Variants in CDC5L observed in about 807,000 individuals in gnomAD.
CDC5L encodes the protein cell division cycle 5-like protein.
CDC5L carries 18 observed loss-of-function variants against 104.1 expected under a neutral mutation model. That is an observed-to-expected ratio of 0.17 (90% CI 0.12 to 0.26). CDC5L has a LOEUF of 0.26. CDC5L is among the 10% of genes least tolerant of loss of function. CDC5L has a pLI of 1.00. For missense variants in CDC5L, 673 were observed against 956.9 expected (o/e 0.70, Z 3.91); for synonymous variants, 331 against 322.7 (o/e 1.03, Z -0.28).
intron 15 of CDC5L, among the ~76,000 whole-genome samples, chr6:44,446,355 T>C (rs1474700089): frequency 6.6e-6 from 1 of 152,192 alleles, no homozygotes; most frequent in Non-Finnish European, 1.5e-5. Context: ...TTGAAGTGCA[T>C]TTGTGGGTAT....
At chr6:44,390,879 GTTATATA>G (rs1211188370) in intron 2 of CDC5L, among the ~76,000 whole-genome samples, 4 of 145,366 alleles carry the variant, frequency 2.8e-5, no homozygotes, top group South Asian at 4.2e-4. Context: ...TAGTTAATAT[GTTATATA>G]TTATATATTA....
Position 44,449,700 on chromosome 6 carries a change from A to G in CDC5L, c.*2989A>G, listed in dbSNP as rs535982745. 23 of 152,318 alleles carry G rather than the reference A, an allele frequency of 1.5e-4. No individual in the cohort carries two copies. The highest frequency in any genetic ancestry group is 5.5e-4 in the African/African-American group (23 of 41,562). 9.4% of individuals were successfully genotyped at this position (152,318 alleles called of 1,614,324 possible). ...AAATATTAGAGACATAATGCTGTCTAATAAAAAACGACATCAAAGAAAAAC... is the reference window on the plus strand; with the variant it reads ...AAATATTAGAGACATAATGCTGTCTGATAAAAAACGACATCAAAGAAAAAC... On this transcript the variant is annotated 3_prime_UTR_variant, in exon 16 of 16. Transcript: ENST00000371477.
chr6:44,394,520 T>C (rs1422887653), intron 4 of CDC5L, among the ~76,000 whole-genome samples: 1 of 152,092 alleles, frequency 6.6e-6, no homozygotes, highest in East Asian at 1.9e-4. Flanking sequence ...CAATAGAAAG[T>C]ATATGGAATC....
chr6:44,422,902 A>G lies in CDC5L; in HGVS notation c.1404+93A>G, dbSNP rs1318625446. 1.3e-5 allele frequency: 9 copies of G among 715,240 alleles called. No individual in the cohort carries two copies. The East Asian group carries it at 1.9e-4, about 15-fold the overall frequency. The allele number at this position is 715,240 out of a possible 1,614,324, so 44.3% of individuals were successfully genotyped here. A position where few individuals can be genotyped will look rare whatever the true frequency, so the allele number is the denominator to read the frequency against. On this transcript the variant is annotated intron_variant, in intron 10 of 15. Transcript: ENST00000371477. ...TTTCTCCTGTTAGTGCATATCACAT[A>G]TACCTTAAGAATCTATACACCTGTG...
chr6:44,425,442 G>A (rs1275472078), intron 11 of CDC5L, among the ~76,000 whole-genome samples: 1 of 152,166 alleles, frequency 6.6e-6, no homozygotes, highest in Non-Finnish European at 1.5e-5. Context: ...TGGTGGGTAA[G>A]TGGTGAATCC....
At chr6:44,423,679 A>G (rs1792290702) in intron 10 of CDC5L, among the ~76,000 whole-genome samples, 1 of 152,206 alleles carries the variant, frequency 6.6e-6, no homozygotes, top group Admixed American at 6.5e-5. Context: ...CACCTGGTAC[A>G]TGTAAGCACT....
intron 14 of CDC5L, among the ~76,000 whole-genome samples, chr6:44,444,225 T>C (rs1195652311): frequency 6.6e-6 from 1 of 152,190 alleles, no homozygotes; most frequent in East Asian, 1.9e-4. Flanking sequence ...CTGTGGCAAA[T>C]GCCTATGCTT....
At chr6:44,396,509 G>T in intron 5 of CDC5L, 69 bp downstream of exon 5, 1 of 956,550 alleles carries the variant, frequency 1.0e-6, no homozygotes, top group Non-Finnish European at 1.6e-6. Context: ...GAATACTTCT[G>T]TGACCAGATA....
chr6:44,427,921 C>T (rs1418468521), intron 13 of CDC5L, among the ~76,000 whole-genome samples: 1 of 152,126 alleles, frequency 6.6e-6, no homozygotes, highest in East Asian at 1.9e-4. Flanking sequence ...AGAGGGTAAA[C>T]CCTAACACAA....
chr6:44,414,905 T>C (rs948012417), intron 8 of CDC5L, among the ~76,000 whole-genome samples: 3 of 152,202 alleles, frequency 2.0e-5, no homozygotes, highest in African/African-American at 7.2e-5. Context: ...GATTTTATAG[T>C]TTTAGTGCTT....
Position 44,392,672 on chromosome 6 carries a change from A to G in CDC5L, c.155A>G (p.Glu52Gly). The change falls in exon 3 of 16, where the codon GAA becomes GGA. Residue 52 changes from glutamate (E) to glycine (G), a missense_variant. By Grantham distance (98) the Glu-to-Gly change is moderately conservative (BLOSUM62 -2). This residue lies in a region of CDC5L where 74 missense variants were observed against 123.5 expected (regional missense o/e 0.60). Coordinates refer to ENST00000371477, the MANE Select transcript of CDC5L (RefSeq NM_001253.4). ...AAATGATCTATGTTTAATAGGTATG[A>G]ATGGCTGGATCCAAGCATTAAGAAG... is the stretch of plus-strand genomic sequence containing the variant. ...SAKQCKARWY[E>G]WLDPSIKKTE... 1 of 1,613,770 alleles carries G rather than the reference A, an allele frequency of 6.2e-7. No individual in the cohort carries two copies. Among genetic ancestry groups the G allele is most frequent in the Non-Finnish European group, 8.5e-7 (1 of 1,179,722 alleles).
intron 13 of CDC5L, among the ~76,000 whole-genome samples, chr6:44,427,662 A>C (rs931932370): frequency 2.0e-5 from 3 of 152,214 alleles, no homozygotes; most frequent in Non-Finnish European, 2.9e-5. Context: ...CTGATTTCAG[A>C]ATAACTGAGT....
rs1482740522 is a variant in CDC5L, at chr6:44,392,521, G to A, written c.150-146G>A. 3 of 646,616 alleles carry A rather than the reference G, an allele frequency of 4.6e-6. No individual in the cohort carries two copies. In the South Asian group the frequency reaches 6.2e-5, roughly 13 times the overall value. The allele number at this position is 646,616 out of a possible 1,614,324, so 40.1% of individuals were successfully genotyped here. On this transcript the variant is annotated intron_variant, in intron 2 of 15. Transcript: ENST00000371477. ...AGATGGGGAATATTGACTGGGGTAA[G>A]TGTAACCACACAGCAAATATTCTGT...
At chr6:44,414,315 C>T (rs1364918675) in intron 8 of CDC5L, among the ~76,000 whole-genome samples, 6 of 151,550 alleles carry the variant, frequency 4.0e-5, no homozygotes, top group Middle Eastern at 3.4e-3. Context: ...TGGGTTCAAG[C>T]GATCCTCCCA....
chr6:44,394,277 A>G (rs1439157887), intron 4 of CDC5L, among the ~76,000 whole-genome samples: 1 of 152,100 alleles, frequency 6.6e-6, no homozygotes, highest in Non-Finnish European at 1.5e-5. Flanking sequence ...AAAACTGAGT[A>G]GTGTAATTCT....
At chr6:44,396,762 G>A (rs1369300199) in intron 5 of CDC5L, among the ~76,000 whole-genome samples, 1 of 151,962 alleles carries the variant, frequency 6.6e-6, no homozygotes, top group Non-Finnish European at 1.5e-5. Flanking sequence ...CCCTTCCTTG[G>A]GTTCCATTCA....
intron 9 of CDC5L, among the ~76,000 whole-genome samples, chr6:44,421,098 C>T (rs1215747464): frequency 6.6e-6 from 1 of 152,194 alleles, no homozygotes; most frequent in Non-Finnish European, 1.5e-5. Flanking sequence ...GTAAAGTGAA[C>T]ATCCATATAC....
Position 44,406,411 on chromosome 6 carries a change from AGTG to A in CDC5L, c.851_853del (p.Gly284del). ...TTTACCATCAGCTATTCTTCAAACTAGTGGTGTTTCTGAATTTACTAAAAAGAG... is the reference window on the plus strand; with the variant it reads ...TTTACCATCAGCTATTCTTCAAACTAGTGTTTCTGAATTTACTAAAAAGAG... On this transcript the variant is annotated inframe_deletion, in exon 7 of 16. Transcript: ENST00000371477. 1 of 1,611,372 alleles carries A rather than the reference AGTG, an allele frequency of 6.2e-7. No individual in the cohort carries two copies. The highest frequency in any genetic ancestry group is 8.5e-7 in the Non-Finnish European group (1 of 1,178,494).
intron 15 of CDC5L, 82 bp downstream of exon 15, chr6:44,445,949 A>G: frequency 2.8e-6 from 3 of 1,062,232 alleles, no homozygotes; most frequent in Non-Finnish European, 4.2e-6. Flanking sequence ...TCTCCTATGT[A>G]GACTGTCTCT....
Sources: gnomAD v4.1 joint callset for allele counts (sites outside exome capture counted in the v4.1 genomes callset) on GRCh38, gnomAD v4.1.1 for gene constraint, gnomAD v4.1.1 regional missense constraint, MANE v1.5 for transcripts, NCBI Gene and HGNC (gene_info 2026-07-23, HGNC 2026-07-21) for gene names.